MTCL1: variants seen among roughly 807,000 people sequenced by gnomAD.
The protein encoded by MTCL1 is microtubule cross-linking factor 1.
Under a neutral mutation model 141.4 loss-of-function variants are expected in MTCL1, and 79 were observed. The observed-to-expected ratio is 0.56, with a 90% CI of 0.47 to 0.67. The LOEUF is 0.67. MTCL1 is among the 30% of genes least tolerant of loss of function. The probability of loss-of-function intolerance (pLI) is 0.00; values close to 1 mark genes in which losing one functional copy is unlikely to be tolerated. For synonymous variants in MTCL1, 914 were observed against 875.8 expected (o/e 1.04, Z -0.77); for missense variants, 2,177 against 2,113.9 (o/e 1.03, Z -0.59).
At chr18:8,818,166 AC>A (rs757203149) in intron 12 of MTCL1, among the ~76,000 whole-genome samples, 1 of 152,188 alleles carries the variant, frequency 6.6e-6, no homozygotes, top group Non-Finnish European at 1.5e-5. Flanking sequence ...AACCCATCTT[AC>A]AGATAAGGAA....
chr18:8,786,012 C>T, exon 7 of MTCL1: 1 of 1,583,782 alleles, frequency 6.3e-7, no homozygotes, highest in Non-Finnish European at 8.7e-7. Context: ...CGCCTCCGAG[C>T]CGCGCGGGAG....
chr18:8,818,669 A>G (rs2076740877), intron 12 of MTCL1, among the ~76,000 whole-genome samples: 1 of 152,266 alleles, frequency 6.6e-6, no homozygotes, highest in Non-Finnish European at 1.5e-5. Flanking sequence ...TCCCATGAGC[A>G]CAACACTCAG....
upstream of MTCL1, among the ~76,000 whole-genome samples, chr18:8,713,465 G>T (rs149055690): frequency 1.3e-5 from 2 of 152,186 alleles, no homozygotes; most frequent in Non-Finnish European, 2.9e-5. Flanking sequence ...TTAGTTGGCA[G>T]ATGTCATTAA....
chr18:8,729,427 A>G (rs2096238554), intron 4 of MTCL1, among the ~76,000 whole-genome samples: 1 of 151,782 alleles, frequency 6.6e-6, no homozygotes. Context: ...TTTTAGAGAC[A>G]GGGTCTCCCT....
intron 14 of MTCL1, among the ~76,000 whole-genome samples, chr18:8,823,193 C>A (rs1009690203): frequency 1.1e-4 from 17 of 152,116 alleles, no homozygotes; most frequent in African/African-American, 3.6e-4. Context: ...CCAGATGTAT[C>A]CCGGGTTTTC....
At chr18:8,757,083 C>T (rs987662276) in intron 4 of MTCL1, among the ~76,000 whole-genome samples, 3 of 152,198 alleles carry the variant, frequency 2.0e-5, no homozygotes, top group Admixed American at 6.5e-5. Context: ...TGTTGACCTG[C>T]ATTCTGTCAT....
In MTCL1 at chr18:8,822,679, G is replaced by T. The variant is rs942792638; in HGVS notation, c.3188+1181G>T. On this transcript the variant is annotated intron_variant, in intron 14 of 16. Transcript: ENST00000359865. This position sits in a 1 kb window ranked among gnomAD's most constrained non-coding sequence, Gnocchi z 4.6. Reference sequence around the variant, plus strand: ...CAGTTTCCTCATCTGTATACAGGACGTATTTTGATTATCTTTTTTTTTTGC... The same window carrying T: ...CAGTTTCCTCATCTGTATACAGGACTTATTTTGATTATCTTTTTTTTTTGC... Among the ~76,000 whole-genome samples the T allele has an allele frequency of 6.6e-6, 1 of 152,006 alleles. No homozygotes were observed. The highest frequency in any genetic ancestry group is 1.5e-5 in the Non-Finnish European group (1 of 68,008).
In MTCL1 at chr18:8,775,304, C is replaced by T. The variant is rs1032932848; in HGVS notation, c.358-2529C>T. ...AGAAACTTCTGGCCGGGCACGGTGG[C>T]TCAATCCTGTAATCCCAGCACTTTA... On this transcript the variant is annotated intron_variant, in intron 4 of 16. Coordinates refer to ENST00000359865, the Ensembl canonical transcript of MTCL1. Among the ~76,000 whole-genome samples the T allele has an allele frequency of 3.9e-5, 6 of 151,918 alleles. No individual in the cohort carries two copies. The East Asian group carries it at 1.2e-3, about 30-fold the overall frequency.
At chr18:8,768,639 A>G (rs931855001) in intron 4 of MTCL1, among the ~76,000 whole-genome samples, 5 of 152,104 alleles carry the variant, frequency 3.3e-5, no homozygotes, top group African/African-American at 9.7e-5. Flanking sequence ...ATTTATTTGT[A>G]TGATTTTTCA....
chr18:8,764,968 G>A (rs1412571076), intron 4 of MTCL1, among the ~76,000 whole-genome samples: 2 of 152,204 alleles, frequency 1.3e-5, no homozygotes, highest in South Asian at 2.1e-4. Context: ...GAAATAAAAT[G>A]CCCGGAAGAG....
intron 8 of MTCL1, among the ~76,000 whole-genome samples, chr18:8,795,501 T>C (rs942813741): frequency 2.0e-5 from 3 of 152,252 alleles, no homozygotes; most frequent in African/African-American, 7.2e-5. Flanking sequence ...ACACAATAAT[T>C]GTTGCTTGAA....
At chr18:8,794,305 C>T (rs1177145015) in intron 8 of MTCL1, among the ~76,000 whole-genome samples, 2 of 152,074 alleles carry the variant, frequency 1.3e-5, no homozygotes, top group African/African-American at 2.4e-5. Flanking sequence ...GAAGAGGCTT[C>T]GGATGGTAGG....
chr18:8,754,134 T>C (rs972321597), intron 4 of MTCL1, among the ~76,000 whole-genome samples: 1 of 152,164 alleles, frequency 6.6e-6, no homozygotes, highest in African/African-American at 2.4e-5. Context: ...GCAGTGGCAC[T>C]GTCTTGCCTC....
chr18:8,775,222 T>A (rs2096501793), intron 4 of MTCL1, among the ~76,000 whole-genome samples: 1 of 152,108 alleles, frequency 6.6e-6, no homozygotes, highest in South Asian at 2.1e-4. Context: ...AGGTTAAAGC[T>A]TGGGAGAGAG....
At chr18:8,762,341 C>T (rs1433276414) in intron 4 of MTCL1, among the ~76,000 whole-genome samples, 1 of 152,250 alleles carries the variant, frequency 6.6e-6, no homozygotes, top group Non-Finnish European at 1.5e-5. Context: ...GTGCACAATA[C>T]AGAACTCAGC....
At chr18:8,748,511 C>T (rs1213309498) in intron 4 of MTCL1, among the ~76,000 whole-genome samples, 1 of 152,072 alleles carries the variant, frequency 6.6e-6, no homozygotes, top group Admixed American at 6.6e-5. Flanking sequence ...CCACTGCATT[C>T]TCACCTGGGT....
Position 8,830,718 on chromosome 18 carries a change from C to T in MTCL1, c.*19-889C>T. 11 of 985,500 alleles carry T rather than the reference C, an allele frequency of 1.1e-5. No individual in the cohort carries two copies. Among genetic ancestry groups the T allele is most frequent in the Non-Finnish European group, 1.3e-5 (11 of 829,950 alleles). The allele number at this position is 985,500 out of a possible 1,614,324, so 61.0% of individuals were successfully genotyped here. On this transcript the variant is annotated intron_variant, in intron 16 of 16. Coordinates refer to ENST00000359865, the Ensembl canonical transcript of MTCL1. This position sits in a 1 kb window ranked among gnomAD's most constrained non-coding sequence, Gnocchi z 6.4. ...TGAGTGTCATTCCAGCCAGCGGGCT[C>T]CATGCTGGGCAACTCAGTTTTCTCA...
At chr18:8,793,194 A>G (rs1317909642) in intron 8 of MTCL1, 74 bp downstream of exon 7, 1 of 1,581,900 alleles carries the variant, frequency 6.3e-7, no homozygotes, top group Non-Finnish European at 8.6e-7. Context: ...GCCACGATAC[A>G]TTTTCAAAGA....
chr18:8,793,568 C>T (rs530472443), intron 8 of MTCL1, among the ~76,000 whole-genome samples: 2 of 152,332 alleles, frequency 1.3e-5, no homozygotes, highest in East Asian at 1.9e-4. Flanking sequence ...CTGTTACTCT[C>T]GAATAACCTG....
Sources: allele counts gnomAD v4.1 joint callset (sites outside exome capture counted in the v4.1 genomes callset), GRCh38; gene constraint gnomAD v4.1.1; non-coding constraint Gnocchi (gnomAD v3.1); transcripts MANE v1.5; gene names NCBI Gene and HGNC (gene_info 2026-07-23, HGNC 2026-07-21).